The following SEPTIN9 variants were observed in gnomAD, a reference collection of about 807,000 sequenced individuals.
SEPTIN9 encodes the protein septin-9.
Under a neutral mutation model 56.6 loss-of-function variants are expected in SEPTIN9, and 13 were observed. That is an observed-to-expected ratio of 0.23 (90% CI 0.15 to 0.37). The LOEUF (loss-of-function observed/expected upper bound fraction) is 0.37. Among genes scored for constraint, SEPTIN9 ranks in the 10% least tolerant of loss-of-function variants. SEPTIN9 has a pLI of 1.00. For synonymous variants in SEPTIN9, 332 were observed against 334.1 expected (o/e 0.99, Z 0.07); for missense variants, 650 against 823.1 (o/e 0.79, Z 2.57).
intron 2 of SEPTIN9, among the ~76,000 whole-genome samples, chr17:77,358,870 C>T (rs2143840626): frequency 6.6e-6 from 1 of 152,264 alleles, no homozygotes; most frequent in East Asian, 1.9e-4. Context: ...GTAACAAAAG[C>T]TAAAACATCA....
intron 1 of SEPTIN9, among the ~76,000 whole-genome samples, chr17:77,301,394 TTGTG>T (rs56947697): frequency 0.15 from 21,322 of 142,216 alleles, 1,796 homozygotes; most frequent in Admixed American, 0.24. Flanking sequence ...GGGAATAGAT[TTGTG>T]TGTGTGTGTG....
chr17:77,417,195 G>A, intron 3 of SEPTIN9, among the ~76,000 whole-genome samples: 1 of 152,194 alleles, frequency 6.6e-6, no homozygotes, highest in Non-Finnish European at 1.5e-5. Context: ...CCAGAGCATT[G>A]TGATTTTACT....
chr17:77,475,103 C>G lies in SEPTIN9; in HGVS notation c.722-7041C>G, dbSNP rs2039153490. 2 of 459,810 alleles carry G rather than the reference C, an allele frequency of 4.3e-6. No individual in the cohort carries two copies. Among genetic ancestry groups the G allele is most frequent in the Non-Finnish European group, 6.1e-6 (2 of 327,562 alleles). 28.5% of individuals were successfully genotyped at this position (459,810 alleles called of 1,614,324 possible). A position where few individuals can be genotyped will look rare whatever the true frequency, so the allele number is the denominator to read the frequency against. ...TTCATTTGTTCATTCATTCACCAGA[C>G]TTTTTGCCGGGGCTTGCCGTGAGCC... On this transcript the variant is annotated intron_variant, in intron 3 of 11. Transcript: ENST00000427177. This position sits in a 1 kb window ranked among gnomAD's most constrained non-coding sequence, Gnocchi z 4.6.
At chr17:77,486,824 C>A (rs1374224115) in intron 4 of SEPTIN9, among the ~76,000 whole-genome samples, 3 of 152,202 alleles carry the variant, frequency 2.0e-5, no homozygotes, top group Non-Finnish European at 4.4e-5. Flanking sequence ...AGCACATGGC[C>A]CCACAGACCC....
intron 3 of SEPTIN9, among the ~76,000 whole-genome samples, chr17:77,438,987 G>A (rs2037450579): frequency 6.6e-6 from 1 of 152,186 alleles, no homozygotes; most frequent in Non-Finnish European, 1.5e-5. Context: ...ATGAAGGCGA[G>A]GGTGTGGGCT....
intron 3 of SEPTIN9, among the ~76,000 whole-genome samples, chr17:77,420,866 C>G (rs1014591949): frequency 6.6e-6 from 1 of 152,230 alleles, no homozygotes; most frequent in African/African-American, 2.4e-5. Flanking sequence ...ACATCACTCT[C>G]AAACGCTGGC....
chr17:77,395,165 C>T (rs2035664937), intron 2 of SEPTIN9, among the ~76,000 whole-genome samples: 1 of 152,000 alleles, frequency 6.6e-6, no homozygotes. Context: ...CCTCTAGCCT[C>T]AGGTTCCCAA....
Position 77,421,891 on chromosome 17 carries a change from C to A in SEPTIN9, c.721+19188C>A, listed in dbSNP as rs891162998. ...TTTGAGACGGTCTCTCTCTGTCGCC[C>A]AGGCTGGAGTTCAATGGCCCAATGT... is the stretch of plus-strand genomic sequence containing the variant. On this transcript the variant is annotated intron_variant, in intron 3 of 11. Transcript: ENST00000427177. The surrounding 1 kb of genome is among the most constrained non-coding windows in gnomAD (Gnocchi z 4.6). Among the ~76,000 whole-genome samples, 3 of 151,698 alleles carry A rather than the reference C, an allele frequency of 2.0e-5. No homozygotes were observed. Among genetic ancestry groups the A allele is most frequent in the African/African-American group, 7.3e-5 (3 of 41,274 alleles).
chr17:77,473,430 G>T (rs747899603), intron 3 of SEPTIN9, among the ~76,000 whole-genome samples: 1 of 151,876 alleles, frequency 6.6e-6, no homozygotes, highest in Non-Finnish European at 1.5e-5. Flanking sequence ...ATGGGGTCTC[G>T]CTACGTTGCC....
intron 1 of SEPTIN9, chr17:77,287,898 G>A (rs2031349359): frequency 4.8e-6 from 5 of 1,037,394 alleles, no homozygotes; most frequent in Admixed American, 5.6e-5. Context: ...GTCACTGGGC[G>A]GCCCTTAGAC....
In SEPTIN9 at chr17:77,421,525, G is replaced by A. The variant is rs535148222; in HGVS notation, c.721+18822G>A. Reference sequence around the variant, plus strand: ...GGTTGGCTCCGGCAAGAGCAGGGAGGCTCACGTCTCTGCCTGCTGGTTTTG... The same window carrying A: ...GGTTGGCTCCGGCAAGAGCAGGGAGACTCACGTCTCTGCCTGCTGGTTTTG... On this transcript the variant is annotated intron_variant, in intron 3 of 11. Coordinates refer to ENST00000427177, the MANE Select transcript of SEPTIN9 (RefSeq NM_001113491.2). The surrounding 1 kb of genome is among the most constrained non-coding windows in gnomAD (Gnocchi z 4.6). 1.1e-4 allele frequency among the ~76,000 whole-genome samples: 17 copies of A among 152,298 alleles called. No individual in the cohort carries two copies. The highest frequency in any genetic ancestry group is 2.2e-4 in the Non-Finnish European group (15 of 68,024).
chr17:77,396,801 AT>A (rs2035731955), intron 2 of SEPTIN9, among the ~76,000 whole-genome samples: 1 of 152,014 alleles, frequency 6.6e-6, no homozygotes, highest in Non-Finnish European at 1.5e-5. Context: ...ATTGCCACAT[AT>A]CCCAGCAATG....
At chr17:77,312,004 C>T (rs529024611) in intron 2 of SEPTIN9, among the ~76,000 whole-genome samples, 47 of 152,152 alleles carry the variant, frequency 3.1e-4, no homozygotes, top group Non-Finnish European at 5.4e-4. Flanking sequence ...TGACCTTGAC[C>T]TCTGCCTCCC....
chr17:77,373,489 C>T (rs1454602856), intron 2 of SEPTIN9: 2 of 1,534,122 alleles, frequency 1.3e-6, no homozygotes, highest in Admixed American at 2.0e-5. Flanking sequence ...CCGCTGCCCA[C>T]CAGCCATCAT....
intron 2 of SEPTIN9, among the ~76,000 whole-genome samples, chr17:77,381,593 C>T (rs1248024589): frequency 1.3e-5 from 2 of 152,248 alleles, no homozygotes; most frequent in African/African-American, 4.8e-5. Flanking sequence ...GAGGGGTGGT[C>T]TTCTCCTCTG....
chr17:77,383,683 G>A (rs946632269), intron 2 of SEPTIN9, among the ~76,000 whole-genome samples: 3 of 152,208 alleles, frequency 2.0e-5, no homozygotes, highest in African/African-American at 2.4e-5. Context: ...TGGTACTTTG[G>A]GTGGCTGGGA....
intron 1 of SEPTIN9, among the ~76,000 whole-genome samples, chr17:77,292,738 C>T (rs1414547794): frequency 6.6e-6 from 1 of 152,092 alleles, no homozygotes. Flanking sequence ...AGGTGATAGG[C>T]TCGCGTCGGC....
chr17:77,365,993 C>G (rs312885), intron 2 of SEPTIN9, among the ~76,000 whole-genome samples: 117,165 of 151,996 alleles, frequency 0.77, 45,460 homozygotes, highest in East Asian at 0.97. Flanking sequence ...GTGCCTTCTT[C>G]AGAAAAACAG....
rs1289867690 is a variant in SEPTIN9 at position 77,487,060 on chromosome 17, TCC to T, written c.914-363_914-362del. On this transcript the variant is annotated intron_variant, in intron 4 of 11. Coordinates refer to ENST00000427177, the MANE Select transcript of SEPTIN9 (RefSeq NM_001113491.2). The surrounding 1 kb of genome is among the most constrained non-coding windows in gnomAD (Gnocchi z 4.3). ...TGGTGCACCCTGGGCAGCCCTGGGCTCCTCCGCCAGCCCGGCCTCTGTCCTGT... is the reference window on the plus strand; with the variant it reads ...TGGTGCACCCTGGGCAGCCCTGGGCTTCCGCCAGCCCGGCCTCTGTCCTGT... Among the ~76,000 whole-genome samples, 1 of 152,090 alleles carries T rather than the reference TCC, an allele frequency of 6.6e-6. No homozygotes were observed. Among genetic ancestry groups the T allele is most frequent in the Non-Finnish European group, 1.5e-5 (1 of 67,996 alleles).
Sources: allele counts gnomAD v4.1 joint callset (sites outside exome capture counted in the v4.1 genomes callset), GRCh38; gene constraint gnomAD v4.1.1; non-coding constraint Gnocchi (gnomAD v3.1); transcripts MANE v1.5; gene names NCBI Gene and HGNC (gene_info 2026-07-23, HGNC 2026-07-21).